Variants in ASTN2 observed in about 807,000 individuals in gnomAD.
The protein encoded by ASTN2 is astrotactin 2.
Under a neutral mutation model 139.8 loss-of-function variants are expected in ASTN2, and 54 were observed. That is an observed-to-expected ratio of 0.39 (90% CI 0.31 to 0.48). The LOEUF (loss-of-function observed/expected upper bound fraction) is 0.48, where lower values mean the gene tolerates loss of function less well. Among genes scored for constraint, ASTN2 ranks in the 20% least tolerant of loss-of-function variants. The pLI is 0.95. For synonymous variants in ASTN2, 756 were observed against 719.5 expected, an observed-to-expected ratio of 1.05 and a Z score of -0.81; for missense variants, 1,565 against 1,725.1, an observed-to-expected ratio of 0.91 and a Z score of 1.64.
chr9:117,367,544 T>C (rs1396853154), intron 1 of ASTN2, among the ~76,000 whole-genome samples: 1 of 152,176 alleles, frequency 6.6e-6, no homozygotes. Flanking sequence ...CAGAAGTCCC[T>C]GCTCATGGTA....
intron 2 of ASTN2, among the ~76,000 whole-genome samples, chr9:117,233,138 T>C (rs1832946596): frequency 1.3e-5 from 2 of 152,286 alleles, no homozygotes; most frequent in South Asian, 4.1e-4. Context: ...TGTGTCCTTC[T>C]GAGGGGCAGA....
rs546506582 is a variant in ASTN2, at chr9:116,510,663, C to G, written c.3356-23163G>C. 5.3e-5 allele frequency among the ~76,000 whole-genome samples: 8 copies of G among 152,224 alleles called. No homozygotes were observed. The South Asian group carries it at 1.7e-3, about 32-fold the overall frequency. On this transcript the variant is annotated intron_variant, in intron 19 of 22. Coordinates refer to ENST00000313400, the MANE Select transcript of ASTN2 (RefSeq NM_001365068.1). ...GGAATGTTCTTCCATTTGTTTGTAA[C>G]CTCTTTTATTTCGTTGAGCAGTGGT...
intron 1 of ASTN2, among the ~76,000 whole-genome samples, chr9:117,358,286 AC>A (rs1385372608): frequency 1.3e-5 from 2 of 151,880 alleles, no homozygotes; most frequent in East Asian, 3.9e-4. Flanking sequence ...ACACACACAC[AC>A]ACACACACAT....
chr9:116,888,944 A>C (rs3903955), intron 10 of ASTN2, among the ~76,000 whole-genome samples: 34,738 of 152,052 alleles, frequency 0.23, 6,646 homozygotes, highest in African/African-American at 0.51. Context: ...TGAGAATATG[A>C]GGTGTTTGGT....
At chr9:116,787,318 G>C (rs1210432293) in intron 13 of ASTN2, among the ~76,000 whole-genome samples, 2 of 152,144 alleles carry the variant, frequency 1.3e-5, no homozygotes, top group African/African-American at 2.4e-5. Context: ...ACTTGCAATT[G>C]TAAATTCTTT....
At chr9:116,632,252 G>GAAGGAAAGAAAGAAA (rs1856833378) in intron 17 of ASTN2, among the ~76,000 whole-genome samples, 2 of 70,924 alleles carry the variant, frequency 2.8e-5, no homozygotes, top group Non-Finnish European at 5.1e-5. Context: ...AAAGAAAGAA[G>GAAGGAAAGAAAGAAA]GAAAGAAAGA....
chr9:116,645,667 T>C (rs193252566), intron 17 of ASTN2, among the ~76,000 whole-genome samples: 2 of 152,330 alleles, frequency 1.3e-5, no homozygotes, highest in East Asian at 1.9e-4. Context: ...TAGGGAGTTC[T>C]CATACAGAGG....
At chr9:116,580,737 T>C (rs919406639) in intron 19 of ASTN2, among the ~76,000 whole-genome samples, 5 of 152,212 alleles carry the variant, frequency 3.3e-5, no homozygotes, top group African/African-American at 4.8e-5. Context: ...GATTTTTTTT[T>C]CTTTCCTAAA....
rs552567471 is a variant in ASTN2 at position 116,798,486 on chromosome 9, T to C, written c.2396+7146A>G. ...AGTGAACTTTGGTGTTAAACCCAGA[T>C]GCTACCACTTTAGCTGTTTGACTGC... On this transcript the variant is annotated intron_variant, in intron 13 of 22. Transcript: ENST00000313400. 3.3e-5 allele frequency among the ~76,000 whole-genome samples: 5 copies of C among 152,328 alleles called. No individual in the cohort carries two copies. The East Asian group carries it at 9.7e-4, about 29-fold the overall frequency.
Position 117,230,498 on chromosome 9 carries a change from C to T in ASTN2, c.631-15756G>A, listed in dbSNP as rs185523917. On this transcript the variant is annotated intron_variant, in intron 2 of 22. Coordinates refer to ENST00000313400, the MANE Select transcript of ASTN2 (RefSeq NM_001365068.1). The stretch of plus-strand genomic sequence containing the variant: ...CACCCTAAGTCAGGGATGATTTCAT[C>T]GTAAGATCCTTAATTAATTACATCT... 4.6e-5 allele frequency among the ~76,000 whole-genome samples: 7 copies of T among 152,294 alleles called. No homozygotes were observed. The East Asian group carries it at 5.8e-4, about 13-fold the overall frequency.
At chr9:116,896,275 A>C (rs1588392167) in intron 10 of ASTN2, among the ~76,000 whole-genome samples, 1 of 152,340 alleles carries the variant, frequency 6.6e-6, no homozygotes, top group East Asian at 1.9e-4. Context: ...TGTATGTATT[A>C]GTTCATTTTC....
chr9:116,519,204 C>T (rs1850769831), intron 19 of ASTN2, among the ~76,000 whole-genome samples: 3 of 152,070 alleles, frequency 2.0e-5, no homozygotes, highest in Admixed American at 6.6e-5. Flanking sequence ...GCAGAATATA[C>T]ATTCTATTCA....
chr9:117,040,528 G>A (rs778796837), intron 5 of ASTN2, among the ~76,000 whole-genome samples: 3 of 152,048 alleles, frequency 2.0e-5, no homozygotes, highest in Admixed American at 6.5e-5. Context: ...GCACAATCTC[G>A]GCTCACTGTA....
intron 10 of ASTN2, among the ~76,000 whole-genome samples, chr9:116,895,251 T>C (rs1488874578): frequency 6.6e-6 from 1 of 152,242 alleles, no homozygotes; most frequent in Non-Finnish European, 1.5e-5. Context: ...TCAGGCTATA[T>C]GCATAAGGTG....
chr9:116,947,827 T>G (rs1835440835), intron 10 of ASTN2, among the ~76,000 whole-genome samples: 1 of 152,240 alleles, frequency 6.6e-6, no homozygotes, highest in Admixed American at 6.5e-5. Flanking sequence ...ATCACTACTG[T>G]GGGATCCTCA....
intron 5 of ASTN2, among the ~76,000 whole-genome samples, chr9:117,059,065 G>C (rs1210473452): frequency 6.6e-6 from 1 of 152,182 alleles, no homozygotes; most frequent in African/African-American, 2.4e-5. Context: ...TCTGCTAAGG[G>C]AGAAGGGTAT....
intron 20 of ASTN2, among the ~76,000 whole-genome samples, chr9:116,455,720 G>A (rs1212256560): frequency 3.4e-5 from 5 of 148,100 alleles, no homozygotes; most frequent in African/African-American, 5.0e-5. Flanking sequence ...AAAGGCCCAA[G>A]CCATCCTTAA....
At chr9:117,004,127 G>A (rs1433800017) in intron 7 of ASTN2, among the ~76,000 whole-genome samples, 2 of 151,926 alleles carry the variant, frequency 1.3e-5, no homozygotes, top group East Asian at 1.9e-4. Context: ...TTTATTTATT[G>A]ATTGATTTTT....
At chr9:116,529,396 T>C (rs1329269637) in intron 19 of ASTN2, among the ~76,000 whole-genome samples, 1 of 152,182 alleles carries the variant, frequency 6.6e-6, no homozygotes, top group Non-Finnish European at 1.5e-5. Context: ...ATGAGGGCAT[T>C]TACCCAATGC....
Sources: gnomAD v4.1 joint callset for allele counts (sites outside exome capture counted in the v4.1 genomes callset) on GRCh38, gnomAD v4.1.1 for gene constraint, MANE v1.5 for transcripts, NCBI Gene and HGNC (gene_info 2026-07-23, HGNC 2026-07-21) for gene names.